Variants in SLCO2B1 observed in about 807,000 individuals in gnomAD.
The protein encoded by SLCO2B1 is OATP-RP2.
In SLCO2B1, 41 loss-of-function variants were observed where a neutral mutation model predicts 67.3. The observed-to-expected ratio is 0.61, with a 90% CI of 0.47 to 0.79. The LOEUF (loss-of-function observed/expected upper bound fraction) is 0.79, where lower values mean the gene tolerates loss of function less well. SLCO2B1 is among the 30% of genes least tolerant of loss of function. The pLI, the probability that SLCO2B1 is intolerant of heterozygous loss-of-function variation, is 0.00. For synonymous variants in SLCO2B1, 379 were observed against 381.4 expected, an observed-to-expected ratio of 0.99 and a Z score of 0.07; for missense variants, 837 against 920.1, an observed-to-expected ratio of 0.91 and a Z score of 1.17.
intron 10 of SLCO2B1, 196 bp from the exon 11 acceptor site, chr11:75,200,028 A>G: frequency 1.8e-6 from 1 of 541,346 alleles, no homozygotes; most frequent in Non-Finnish European, 3.3e-6. Context: ...CAACTTGCAC[A>G]TAGACAGCCC....
intron 10 of SLCO2B1, among the ~76,000 whole-genome samples, chr11:75,199,002 T>A (rs1161835694): frequency 6.6e-6 from 1 of 152,176 alleles, no homozygotes; most frequent in African/African-American, 2.4e-5. Flanking sequence ...AAGTGAAGCC[T>A]CCAGCCTTTG....
At position 75,164,070 on chromosome 11, in the gene SLCO2B1, GA is replaced by G; in HGVS notation, c.256del (p.Thr86ArgfsTer16). 6.2e-6 allele frequency: 10 copies of G among 1,608,924 alleles called. No homozygotes were observed. The highest frequency in any genetic ancestry group is 8.5e-6 in the Non-Finnish European group (10 of 1,177,904). On this transcript the variant is annotated frameshift_variant, in exon 3 of 14. Coordinates refer to ENST00000289575, the MANE Select transcript of SLCO2B1 (RefSeq NM_007256.5). LOFTEE classifies it high-confidence loss of function. ...VEKRFGLSSQTSGLLASFNEV... is the reference protein window; with the variant it reads ...VEKRFGLSSQXSGLLASFNEV... The stretch of plus-strand genomic sequence containing the variant: ...AGAAGCGCTTCGGCCTCTCCAGCCA[GA>G]CGTCGGGGCTGCTGGCCTCCTTCAA...
chr11:75,172,279 C>T (rs768947346), intron 6 of SLCO2B1, 100 bp from the exon 7 acceptor site: 67 of 1,106,196 alleles, frequency 6.1e-5, no homozygotes, highest in Non-Finnish European at 8.5e-5. Flanking sequence ...TGACTCCCAG[C>T]CTGGGCCACC....
intron 13 of SLCO2B1, 112 bp downstream of exon 13, chr11:75,203,539 A>G (rs943881497): frequency 2.2e-6 from 3 of 1,364,252 alleles, no homozygotes; most frequent in Non-Finnish European, 3.1e-6. Context: ...GCTAGGTGAC[A>G]GGTGTCATTA....
chr11:75,187,602 A>G (rs1308117837), intron 7 of SLCO2B1, among the ~76,000 whole-genome samples: 1 of 152,170 alleles, frequency 6.6e-6, no homozygotes. Context: ...TGATAATGAT[A>G]TTGATGATTC....
rs891890427 is a variant in SLCO2B1, at chr11:75,205,803, T to C, written c.*1223T>C. The C allele has an allele frequency of 2.6e-5, 4 of 152,210 alleles. No homozygotes were observed. The highest frequency in any genetic ancestry group is 9.7e-5 in the African/African-American group (4 of 41,440). The allele number at this position is 152,210 out of a possible 1,614,324, so 9.4% of individuals were successfully genotyped here. On this transcript the variant is annotated 3_prime_UTR_variant, in exon 14 of 14. Coordinates refer to ENST00000289575, the MANE Select transcript of SLCO2B1 (RefSeq NM_007256.5). Reference sequence around the variant, plus strand: ...GTCTTATCTGGCCTGGTTATTTCCTTGCGGGGAGGAGAGGGTTTGCTAATC... The same window carrying C: ...GTCTTATCTGGCCTGGTTATTTCCTCGCGGGGAGGAGAGGGTTTGCTAATC...
intron 7 of SLCO2B1, among the ~76,000 whole-genome samples, chr11:75,182,201 A>G (rs907073317): frequency 3.9e-5 from 6 of 152,012 alleles, no homozygotes; most frequent in Admixed American, 2.6e-4. Context: ...GTCACCCCTG[A>G]CCACCCAGCC....
chr11:75,158,364 G>T (rs1949771766), intron 1 of SLCO2B1, among the ~76,000 whole-genome samples: 1 of 152,246 alleles, frequency 6.6e-6, no homozygotes, highest in Non-Finnish European at 1.5e-5. Context: ...TGATGAAGAA[G>T]TATATAGTTG....
intron 1 of SLCO2B1, among the ~76,000 whole-genome samples, chr11:75,156,581 G>A (rs543319574): frequency 2.0e-4 from 31 of 152,248 alleles, no homozygotes; most frequent in Admixed American, 1.4e-3. Context: ...TGCTGCTGAT[G>A]TTACCAGAAA....
At chr11:75,154,025 A>C (rs1949719558) in intron 1 of SLCO2B1, among the ~76,000 whole-genome samples, 1 of 150,128 alleles carries the variant, frequency 6.7e-6, no homozygotes, top group Admixed American at 6.7e-5. Context: ...TCCCGGGTTC[A>C]AACGATTCCC....
chr11:75,160,441 T>C (rs1949804910), intron 1 of SLCO2B1, among the ~76,000 whole-genome samples: 1 of 152,174 alleles, frequency 6.6e-6, no homozygotes, highest in Non-Finnish European at 1.5e-5. Context: ...AGAGGGTTCA[T>C]GGGCCAGTGC....
intron 9 of SLCO2B1, among the ~76,000 whole-genome samples, chr11:75,194,536 C>CT (rs1485597489): frequency 6.6e-6 from 1 of 151,748 alleles, no homozygotes. Context: ...CCTCGCTGAT[C>CT]TCTCCCCCAT....
rs1014777121 is a variant in SLCO2B1, at chr11:75,181,914, G to A, written c.973-6222G>A. ...CCTCAAAACAGATGAGGGGGCAAGCGGCAGAAATCTGTGGAGAACACAGGG... is the reference window on the plus strand; with the variant it reads ...CCTCAAAACAGATGAGGGGGCAAGCAGCAGAAATCTGTGGAGAACACAGGG... On this transcript the variant is annotated intron_variant, in intron 7 of 13. Transcript: ENST00000289575. Among the ~76,000 whole-genome samples, 7 of 152,186 alleles carry A rather than the reference G, an allele frequency of 4.6e-5. No homozygotes were observed. The East Asian group carries it at 9.7e-4, about 21-fold the overall frequency.
At position 75,172,450 on chromosome 11, in the gene SLCO2B1, G is replaced by A. The variant is rs150167315; in HGVS notation, c.853G>A (p.Gly285Ser). 468 of 1,614,102 alleles carry A rather than the reference G, an allele frequency of 2.9e-4. 2 individuals carry two copies. The South Asian group carries it at 3.2e-3, about 11-fold the overall frequency. Reference protein sequence around the residue: ...AWWLGFLIAAGAVALAAIPYF... With the variant: ...AWWLGFLIAASAVALAAIPYF... ...GTGGCTGGGTTTCCTCATCGCTGCC[G>A]GTGCAGTGGCCCTGGCTGCCATCCC... The change falls in exon 7 of 14, where the codon GGT becomes AGT. Residue 285 changes from glycine (G) to serine (S), a missense_variant. Gly to Ser is a moderately conservative substitution (Grantham distance 56). Transcript: ENST00000289575.
At chr11:75,163,529 G>C (rs190362221) in intron 2 of SLCO2B1, among the ~76,000 whole-genome samples, 344 of 152,172 alleles carry the variant, frequency 2.3e-3, no homozygotes, top group African/African-American at 8.0e-3. Context: ...TGGTGGAACT[G>C]GGAGGAAAGT....
chr11:75,193,759 G>A lies in SLCO2B1; in HGVS notation c.1433+184G>A, dbSNP rs1945062037. ...GGGTGCTCCAGAAGGCTCCAGGGTAGGTGTCAGGCACCACTGGAAGGGGCA... is the reference window on the plus strand; with the variant it reads ...GGGTGCTCCAGAAGGCTCCAGGGTAAGTGTCAGGCACCACTGGAAGGGGCA... On this transcript the variant is annotated intron_variant, in intron 9 of 13. Transcript: ENST00000289575. This position sits in a 1 kb window ranked among gnomAD's most constrained non-coding sequence, Gnocchi z 4.2. Among the ~76,000 whole-genome samples, 1 of 152,242 alleles carries A rather than the reference G, an allele frequency of 6.6e-6. No individual in the cohort carries two copies. Among genetic ancestry groups the A allele is most frequent in the South Asian group, 2.1e-4 (1 of 4,834 alleles).
At chr11:75,151,433 G>T in intron 1 of SLCO2B1, 36 bp downstream of exon 1, 1 of 1,611,922 alleles carries the variant, frequency 6.2e-7, no homozygotes, top group Non-Finnish European at 8.5e-7. Flanking sequence ...GCCATGGAGA[G>T]CAAGCCTGGG....
chr11:75,159,450 C>T (rs1166023508), intron 1 of SLCO2B1, among the ~76,000 whole-genome samples: 1 of 152,260 alleles, frequency 6.6e-6, no homozygotes, highest in East Asian at 1.9e-4. Context: ...TCCCATCCTC[C>T]TGTCAGGGGT....
intron 7 of SLCO2B1, among the ~76,000 whole-genome samples, chr11:75,179,792 A>G (rs1234761787): frequency 6.6e-6 from 1 of 152,124 alleles, no homozygotes. Context: ...GCTGGAGTGC[A>G]GTGGCACAAT....
Sources: gnomAD v4.1 joint callset for allele counts (sites outside exome capture counted in the v4.1 genomes callset) on GRCh38, gnomAD v4.1.1 for gene constraint, Gnocchi (gnomAD v3.1) non-coding constraint, MANE v1.5 for transcripts, NCBI Gene and HGNC (gene_info 2026-07-23, HGNC 2026-07-21) for gene names.